Variants in RUFY3 observed in about 807,000 individuals in gnomAD.
RUFY3 encodes RUN and FYVE domain containing 3, also known as protein RUFY3.
In RUFY3, 34 loss-of-function variants were observed where a neutral mutation model predicts 84.0. That is an observed-to-expected ratio of 0.40 (90% CI 0.31 to 0.54). The LOEUF (loss-of-function observed/expected upper bound fraction) is 0.54, where lower values mean the gene tolerates loss of function less well. Among genes scored for constraint, RUFY3 ranks in the 20% least tolerant of loss-of-function variants. The pLI, the probability that RUFY3 is intolerant of heterozygous loss-of-function variation, is 0.39. For synonymous variants in RUFY3, 242 were observed against 252.9 expected, an observed-to-expected ratio of 0.96 and a Z score of 0.41; for missense variants, 507 against 736.8, an observed-to-expected ratio of 0.69 and a Z score of 3.61.
intron 7 of RUFY3, 43 bp downstream of exon 7, chr4:70,775,276 AAGG>A: frequency 1.5e-6 from 2 of 1,306,344 alleles, no homozygotes; most frequent in Non-Finnish European, 2.2e-6. Flanking sequence ...GGAATTGTTG[AAGG>A]AGAAGGGAAG....
intron 4 of RUFY3, among the ~76,000 whole-genome samples, chr4:70,765,209 G>GTGTGTATATATATATATACATATA (rs144995233): frequency 7.3e-6 from 1 of 137,210 alleles, no homozygotes; most frequent in Admixed American, 7.4e-5. Flanking sequence ...AAAAAAATGT[G>GTGTGTATATATATATATACATATA]TATATATATA....
intron 1 of RUFY3, among the ~76,000 whole-genome samples, chr4:70,728,287 T>C (rs1718628555): frequency 6.6e-6 from 1 of 152,258 alleles, no homozygotes; most frequent in African/African-American, 2.4e-5. Flanking sequence ...TACCCTGATC[T>C]GTGGCTGATC....
At chr4:70,719,140 T>G (rs1241918431), upstream of RUFY3, among the ~76,000 whole-genome samples, 5 of 152,216 alleles carry the variant, frequency 3.3e-5, no homozygotes, top group Non-Finnish European at 5.9e-5. Context: ...AGCGTAGAAG[T>G]ACAGTTTTTC....
At chr4:70,791,730 G>T in intron 12 of RUFY3, 1 of 994,550 alleles carries the variant, frequency 1.0e-6, no homozygotes, top group Non-Finnish European at 1.2e-6. Flanking sequence ...GAACCTAGAG[G>T]TAACTACCAT....
chr4:70,802,136 A>G (rs564187495), intron 15 of RUFY3, among the ~76,000 whole-genome samples: 50 of 152,336 alleles, frequency 3.3e-4, no homozygotes, highest in African/African-American at 1.1e-3. Flanking sequence ...TCTGTTTATC[A>G]TGTCTACTGT....
intron 1 of RUFY3, among the ~76,000 whole-genome samples, chr4:70,743,068 A>T (rs1371601151): frequency 6.6e-6 from 1 of 151,610 alleles, no homozygotes; most frequent in Non-Finnish European, 1.5e-5. Context: ...TATTATTATT[A>T]TATTTATTTA....
In RUFY3 at chr4:70,722,528, A is replaced by AGT. The variant is rs768539757; in HGVS notation, c.-35_-34dup. ...TTTATTTTTTTGGTGTGTGTGTGTGAGTGTGTGTGTGTCTGTGTGTGTGTT... is the reference window on the plus strand; with the variant it reads ...TTTATTTTTTTGGTGTGTGTGTGTGAGTGTGTGTGTGTGTCTGTGTGTGTGTT... On this transcript the variant is annotated 5_prime_UTR_variant, in exon 1 of 18. Coordinates refer to ENST00000381006, the MANE Select transcript of RUFY3 (RefSeq NM_001037442.4). 3.9e-6 allele frequency: 6 copies of AGT among 1,539,966 alleles called. No individual in the cohort carries two copies. In the African/African-American group the frequency reaches 7.1e-5, roughly 18 times the overall value.
chr4:70,801,102 G>A (rs556390696), intron 15 of RUFY3, among the ~76,000 whole-genome samples: 1 of 150,400 alleles, frequency 6.6e-6, no homozygotes, highest in Non-Finnish European at 1.5e-5. Context: ...TAGTGCCACT[G>A]CATTAAAAAG....
chr4:70,717,693 A>G (rs1222193513), upstream of RUFY3, among the ~76,000 whole-genome samples: 3 of 151,840 alleles, frequency 2.0e-5, no homozygotes, highest in Non-Finnish European at 4.4e-5. Flanking sequence ...GAAGTTGCAG[A>G]GTGTAGAAGG....
At chr4:70,704,554 A>C, upstream of RUFY3, 1 of 167,648 alleles carries the variant, frequency 6.0e-6, no homozygotes, top group Non-Finnish European at 1.3e-5. Flanking sequence ...GCGGGTAAGG[A>C]AGAGGCCCAG....
At position 70,705,425 on chromosome 4, in the gene RUFY3, T is replaced by C. The variant is rs753067060; in HGVS notation, c.358+131T>C. ...CCGGGTGGCCGGGAGGCGGGGGCTT[T>C]AGGGGCTACCCTCGGGAAGCTGTTC... On this transcript the variant is annotated intron_variant, in intron 1 of 11. Transcript: ENST00000417478. 6.9e-6 allele frequency: 4 copies of C among 578,538 alleles called. No individual in the cohort carries two copies. The East Asian group carries it at 1.4e-4, about 21-fold the overall frequency. The allele number at this position is 578,538 out of a possible 1,614,324, so 35.8% of individuals were successfully genotyped here. A position where few individuals can be genotyped will look rare whatever the true frequency, so the allele number is the denominator to read the frequency against.
At chr4:70,791,870 ACC>A (rs1730875626) in intron 12 of RUFY3, 1 of 985,764 alleles carries the variant, frequency 1.0e-6, no homozygotes, top group Non-Finnish European at 1.2e-6. Flanking sequence ...ATTCTCAGTA[ACC>A]AAGATTGCTT....
At chr4:70,746,857 A>C (rs547526283) in intron 1 of RUFY3, among the ~76,000 whole-genome samples, 1 of 152,364 alleles carries the variant, frequency 6.6e-6, no homozygotes, top group East Asian at 1.9e-4. Context: ...AAGTATAGAA[A>C]TGAAGAACAG....
At chr4:70,741,775 C>G (rs1215042473) in intron 1 of RUFY3, 3 of 940,328 alleles carry the variant, frequency 3.2e-6, no homozygotes, top group East Asian at 6.2e-5. Context: ...GAAATGTCAG[C>G]TTTAGGTTTT....
At chr4:70,777,294 C>T (rs1368032914) in intron 7 of RUFY3, among the ~76,000 whole-genome samples, 4 of 152,164 alleles carry the variant, frequency 2.6e-5, no homozygotes, top group African/African-American at 9.7e-5. Context: ...GAACATAAAA[C>T]AGTTTCCTCT....
chr4:70,739,986 G>A (rs1418554972), intron 1 of RUFY3, among the ~76,000 whole-genome samples: 3 of 123,622 alleles, frequency 2.4e-5, no homozygotes, highest in East Asian at 4.6e-4. Flanking sequence ...GAAAAACTCC[G>A]TCTCAAAAAA....
chr4:70,797,861 T>TA (rs200715156), intron 14 of RUFY3, among the ~76,000 whole-genome samples: 1,704 of 150,088 alleles, frequency 0.011, 31 homozygotes, highest in African/African-American at 0.036. Context: ...AAAAAAATAA[T>TA]AAAAAAAAAC....
chr4:70,797,544 T>C (rs1731681463), intron 14 of RUFY3, among the ~76,000 whole-genome samples: 2 of 152,096 alleles, frequency 1.3e-5, no homozygotes, highest in Admixed American at 6.6e-5. Flanking sequence ...TAATTTAAAG[T>C]GTACAAAGAA....
At chr4:70,715,320 G>C (rs911925791) in intron 1 of RUFY3, among the ~76,000 whole-genome samples, 4 of 152,126 alleles carry the variant, frequency 2.6e-5, no homozygotes, top group African/African-American at 9.7e-5. Flanking sequence ...GGTGGCTCAT[G>C]CCTGTAATCC....
Sources: gnomAD v4.1 joint callset for allele counts (sites outside exome capture counted in the v4.1 genomes callset) on GRCh38, gnomAD v4.1.1 for gene constraint, MANE v1.5 for transcripts, NCBI Gene and HGNC (gene_info 2026-07-23, HGNC 2026-07-21) for gene names.